Variants in UBE2K observed in about 807,000 individuals in gnomAD.
The protein encoded by UBE2K is ubiquitin-conjugating enzyme E2 K.
Under a neutral mutation model 30.0 loss-of-function variants are expected in UBE2K, and 6 were observed. The ratio of observed to expected loss-of-function variants is 0.20; its 90% CI spans 0.11 to 0.39. The LOEUF (loss-of-function observed/expected upper bound fraction) is 0.39. UBE2K is among the 10% of genes least tolerant of loss of function. UBE2K has a pLI of 1.00. For missense variants in UBE2K, 61 were observed against 241.6 expected, an observed-to-expected ratio of 0.25 and a Z score of 4.96; for synonymous variants, 86 against 83.7, an observed-to-expected ratio of 1.03 and a Z score of -0.15.
At chr4:39,718,831 TCTAG>T (rs1719256611) in intron 1 of UBE2K, among the ~76,000 whole-genome samples, 1 of 152,244 alleles carries the variant, frequency 6.6e-6, no homozygotes, top group Non-Finnish European at 1.5e-5. Context: ...CACCTGGAAA[TCTAG>T]CTGGCCTGCA....
At chr4:39,763,431 A>G (rs1712104151) in intron 4 of UBE2K, among the ~76,000 whole-genome samples, 1 of 152,018 alleles carries the variant, frequency 6.6e-6, no homozygotes, top group Non-Finnish European at 1.5e-5. Context: ...TTGTAATTTT[A>G]GTAGAGACGG....
chr4:39,737,935 C>T (rs952112754), intron 2 of UBE2K, among the ~76,000 whole-genome samples: 1 of 152,108 alleles, frequency 6.6e-6, no homozygotes, highest in Non-Finnish European at 1.5e-5. Context: ...TTCATTCACT[C>T]ATGTCTTCAT....
intron 4 of UBE2K, among the ~76,000 whole-genome samples, chr4:39,766,447 T>C (rs1375251544): frequency 6.6e-6 from 1 of 152,098 alleles, no homozygotes; most frequent in Non-Finnish European, 1.5e-5. Flanking sequence ...GAAACGTCTG[T>C]TCACATCCCT....
chr4:39,781,407 G>A lies in UBE2K; in HGVS notation c.*2973G>A, dbSNP rs541039853. The stretch of plus-strand genomic sequence containing the variant: ...GCAAAATAATTCTTTTTAAGTATCT[G>A]TAAGAAAGAATTGGCAGTTTAAACG... On this transcript the variant is annotated 3_prime_UTR_variant, in exon 7 of 7. Transcript: ENST00000261427. The A allele has an allele frequency of 1.3e-5, 2 of 152,054 alleles. No homozygotes were observed. The highest frequency in any genetic ancestry group is 3.9e-4 in the East Asian group (2 of 5,186). 9.4% of individuals were successfully genotyped at this position (152,054 alleles called of 1,614,324 possible).
intron 1 of UBE2K, chr4:39,714,517 C>CATCTATATATATATATATTTATATAT (rs1553874880): frequency 4.8e-5 from 2 of 41,638 alleles, no homozygotes; most frequent in African/African-American, 2.7e-4. Flanking sequence ...TTAGAAGTTT[C>CATCTATATATATATATATTTATATAT]ATATATATAT....
At chr4:39,767,309 T>C (rs558736933) in intron 4 of UBE2K, among the ~76,000 whole-genome samples, 3 of 150,856 alleles carry the variant, frequency 2.0e-5, no homozygotes, top group Admixed American at 2.0e-4. Flanking sequence ...GTTTTTTTTT[T>C]TGTGTGTGTG....
chr4:39,764,512 C>G (rs917145765), intron 4 of UBE2K, among the ~76,000 whole-genome samples: 1 of 150,230 alleles, frequency 6.7e-6, no homozygotes, highest in Non-Finnish European at 1.5e-5. Flanking sequence ...TGACAACGAT[C>G]ACAGCTCACT....
intron 1 of UBE2K, among the ~76,000 whole-genome samples, chr4:39,736,024 T>G (rs921966890): frequency 1.0e-4 from 14 of 139,184 alleles, no homozygotes; most frequent in Admixed American, 2.9e-4. Context: ...TTTTTTTTTT[T>G]GGGTTGGAGG....
At chr4:39,765,173 C>T (rs1712236321) in intron 4 of UBE2K, among the ~76,000 whole-genome samples, 1 of 152,216 alleles carries the variant, frequency 6.6e-6, no homozygotes, top group Non-Finnish European at 1.5e-5. Flanking sequence ...GCGTGAGCCA[C>T]TGTGTCTGGC....
intron 1 of UBE2K, among the ~76,000 whole-genome samples, chr4:39,722,014 A>G (rs1719447374): frequency 6.6e-6 from 1 of 152,100 alleles, no homozygotes; most frequent in South Asian, 2.1e-4. Flanking sequence ...GCTTGAGCCC[A>G]GTAGGTACAG....
At chr4:39,755,613 T>C (rs1721486276) in intron 3 of UBE2K, 44 bp from the exon 4 acceptor site, 2 of 1,399,880 alleles carry the variant, frequency 1.4e-6, no homozygotes, top group Admixed American at 1.8e-5. Flanking sequence ...CTTAAACTGT[T>C]TTATTTCTGT....
chr4:39,770,935 G>A (rs1712765097), intron 4 of UBE2K: 4 of 1,571,336 alleles, frequency 2.5e-6, no homozygotes, highest in South Asian at 2.4e-5. Flanking sequence ...GGAGGTGGGG[G>A]GTGGGGGCTT....
intron 1 of UBE2K, among the ~76,000 whole-genome samples, chr4:39,705,734 C>G (rs924795224): frequency 1.3e-5 from 2 of 152,160 alleles, no homozygotes; most frequent in African/African-American, 2.4e-5. Flanking sequence ...ATCACCCAGC[C>G]TGGAGTGCAG....
rs370175420 is a variant in UBE2K at position 39,758,788 on chromosome 4, A to G, written c.299+3049A>G. ...TACTATTACTTGTAATTATCTTCCTATATAGCTAGTTGAAAGATTATGGTG... is the reference window on the plus strand; with the variant it reads ...TACTATTACTTGTAATTATCTTCCTGTATAGCTAGTTGAAAGATTATGGTG... On this transcript the variant is annotated intron_variant, in intron 4 of 6. Transcript: ENST00000261427. Among the ~76,000 whole-genome samples, 49 of 152,282 alleles carry G rather than the reference A, an allele frequency of 3.2e-4. 5 individuals carry two copies. Among genetic ancestry groups the G allele is most frequent in the Admixed American group, 2.7e-3 (41 of 15,300 alleles).
chr4:39,745,118 G>A lies in UBE2K; in HGVS notation c.158-634G>A, dbSNP rs541539934. Among the ~76,000 whole-genome samples the A allele has an allele frequency of 4.6e-5, 7 of 152,040 alleles. No individual in the cohort carries two copies. The South Asian group carries it at 1.0e-3, about 23-fold the overall frequency. On this transcript the variant is annotated intron_variant, in intron 2 of 6. Coordinates refer to ENST00000261427, the MANE Select transcript of UBE2K (RefSeq NM_005339.5). Reference sequence around the variant, plus strand: ...TAGCTTTAAGCAGTCCTCCCACCTCGGCCTCCCAAAGTGTTGGGATTACAA... The same window carrying A: ...TAGCTTTAAGCAGTCCTCCCACCTCAGCCTCCCAAAGTGTTGGGATTACAA...
rs187816467 is a variant in UBE2K at position 39,729,551 on chromosome 4, T to A, written c.64-7869T>A. Among the ~76,000 whole-genome samples, 5 of 152,342 alleles carry A rather than the reference T, an allele frequency of 3.3e-5. No individual in the cohort carries two copies. In the East Asian group the frequency reaches 7.7e-4, roughly 23 times the overall value. On this transcript the variant is annotated intron_variant, in intron 1 of 6. Transcript: ENST00000261427. ...TACTTCCTGTCTGCCTTAATTCATC[T>A]TCTTTTCATTGCACTGGACTTTATT...
intron 1 of UBE2K, among the ~76,000 whole-genome samples, chr4:39,707,398 GGTTT>G (rs1718427576): frequency 6.6e-6 from 1 of 151,214 alleles, no homozygotes; most frequent in Non-Finnish European, 1.5e-5. Flanking sequence ...GTAGAGATGG[GGTTT>G]CTAGCCAGGC....
chr4:39,762,208 TA>T (rs1202665191), intron 4 of UBE2K, among the ~76,000 whole-genome samples: 1 of 149,916 alleles, frequency 6.7e-6, no homozygotes, highest in Non-Finnish European at 1.5e-5. Flanking sequence ...ATAATAATAA[TA>T]AATCTTGAAA....
At chr4:39,728,385 G>A (rs1158585682) in intron 1 of UBE2K, among the ~76,000 whole-genome samples, 2 of 152,192 alleles carry the variant, frequency 1.3e-5, no homozygotes, top group Non-Finnish European at 2.9e-5. Flanking sequence ...TGAGGCGGGA[G>A]AATTGCCTTA....
Sources: allele counts gnomAD v4.1 joint callset (sites outside exome capture counted in the v4.1 genomes callset), GRCh38; gene constraint gnomAD v4.1.1; transcripts MANE v1.5; gene names NCBI Gene and HGNC (gene_info 2026-07-23, HGNC 2026-07-21).